WDR43: variants seen among roughly 807,000 people sequenced by gnomAD.
WDR43 encodes WD repeat domain 43.
A neutral mutation model predicts 91.4 loss-of-function variants in WDR43; 13 were observed. That is an observed-to-expected ratio of 0.14 (90% confidence interval 0.09 to 0.23). WDR43 has a LOEUF of 0.23. Among genes scored for constraint, WDR43 ranks in the 10% least tolerant of loss-of-function variants. The pLI is 1.00. For missense variants in WDR43, 780 were observed against 809.4 expected (o/e 0.96, Z 0.44); for synonymous variants, 331 against 287.9 (o/e 1.15, Z -1.51).
At chr2:28,934,772 T>C (rs1330038213) in intron 11 of WDR43, among the ~76,000 whole-genome samples, 1 of 152,210 alleles carries the variant, frequency 6.6e-6, no homozygotes, top group Non-Finnish European at 1.5e-5. Flanking sequence ...TGCCTTTTGG[T>C]GCCACTGCTG....
intron 1 of WDR43, 82 bp downstream of exon 1, chr2:28,895,005 C>A: frequency 7.5e-7 from 1 of 1,339,000 alleles, no homozygotes; most frequent in Non-Finnish European, 9.7e-7. Flanking sequence ...CGTGGTCCGG[C>A]ATCGCGCGTG....
In WDR43 at chr2:28,947,051, A is replaced by G. The variant is rs139468325; in HGVS notation, c.*272A>G. On this transcript the variant is annotated 3_prime_UTR_variant, in exon 18 of 18. Coordinates refer to ENST00000407426, the MANE Select transcript of WDR43 (RefSeq NM_015131.3). The stretch of plus-strand genomic sequence containing the variant: ...CCAATATATGGTATATTTTTATAAT[A>G]TAATATCCTAGTATGATTGGTTATA... The G allele has an allele frequency of 0.018, 4,488 of 255,150 alleles. 45 individuals are homozygous for G. The highest frequency in any genetic ancestry group is 0.025 in the Non-Finnish European group (3,325 of 134,598). The allele number at this position is 255,150 out of a possible 1,614,324, so 15.8% of individuals were successfully genotyped here.
At chr2:28,935,707 G>A (rs1212178834) in intron 12 of WDR43, 100 bp downstream of exon 12, 5 of 589,228 alleles carry the variant, frequency 8.5e-6, no homozygotes, top group Non-Finnish European at 1.3e-5. Flanking sequence ...AGGACACATG[G>A]CATTTAGAGT....
intron 16 of WDR43, among the ~76,000 whole-genome samples, chr2:28,944,768 T>C (rs1671510853): frequency 6.6e-6 from 1 of 152,212 alleles, no homozygotes; most frequent in Admixed American, 6.5e-5. Context: ...TACTGCAACA[T>C]TCGATTTGAT....
intron 8 of WDR43, among the ~76,000 whole-genome samples, chr2:28,926,079 G>A (rs920131826): frequency 4.6e-5 from 7 of 152,210 alleles, no homozygotes; most frequent in Admixed American, 4.6e-4. Context: ...GACAATAGGA[G>A]AGTTAAGAGT....
intron 3 of WDR43, among the ~76,000 whole-genome samples, chr2:28,907,261 A>G (rs1183984738): frequency 1.3e-5 from 2 of 152,082 alleles, no homozygotes; most frequent in South Asian, 4.1e-4. Context: ...GCTGCCAGAG[A>G]AGGGATTCTA....
At chr2:28,913,947 A>T in intron 4 of WDR43, 122 bp from the exon 5 acceptor site, 1 of 1,094,986 alleles carries the variant, frequency 9.1e-7, no homozygotes, top group Non-Finnish European at 1.3e-6. Context: ...TTGAACAGTT[A>T]CTTCATCGTG....
intron 15 of WDR43, 37 bp downstream of exon 15, chr2:28,941,611 G>A: frequency 6.8e-7 from 1 of 1,477,768 alleles, no homozygotes; most frequent in Non-Finnish European, 9.3e-7. Context: ...AAAACTTTTG[G>A]ACATGGTAGG....
Position 28,906,532 on chromosome 2 carries a change from G to T in WDR43, c.436G>T (p.Asp146Tyr). ...CAGTGGCTGTTTATATAGTTGTTCA[G>T]ATGATAAACATATTGTGGAATGGAA... ...QDSGCLYSCS[D>Y]DKHIVEWNVQ... The change falls in exon 3 of 18, where the codon GAT becomes TAT. Residue 146 changes from aspartate to tyrosine, a missense_variant. Around this residue, in one of 4 missense-constraint regions of WDR43, gnomAD observed 174 missense variants for 207.3 expected, o/e 0.84. Transcript: ENST00000407426. 1 of 1,608,448 alleles carries T rather than the reference G, an allele frequency of 6.2e-7. No homozygotes were observed. Among genetic ancestry groups the T allele is most frequent in the Non-Finnish European group, 8.5e-7 (1 of 1,177,466 alleles).
chr2:28,944,747 A>G (rs1036232389), intron 16 of WDR43, among the ~76,000 whole-genome samples: 1 of 152,250 alleles, frequency 6.6e-6, no homozygotes, highest in Non-Finnish European at 1.5e-5. Flanking sequence ...GCTTGAACAT[A>G]AGCTCCGCGA....
At chr2:28,913,852 A>G in intron 4 of WDR43, 1 of 685,848 alleles carries the variant, frequency 1.5e-6, no homozygotes, top group Non-Finnish European at 2.6e-6. Flanking sequence ...TAGAAGGAAC[A>G]TCTAAATTTT....
intron 1 of WDR43, among the ~76,000 whole-genome samples, chr2:28,899,222 G>A (rs1392784052): frequency 6.6e-6 from 1 of 152,160 alleles, no homozygotes. Context: ...ATATTTATCT[G>A]TATAATCTGT....
intron 6 of WDR43, 33 bp downstream of exon 6, chr2:28,918,028 G>A: frequency 6.6e-7 from 1 of 1,514,938 alleles, no homozygotes; most frequent in South Asian, 1.2e-5. Context: ...ATTTGTTTTT[G>A]GGTTTCACAG....
At chr2:28,939,341 T>C (rs925227956) in intron 14 of WDR43, among the ~76,000 whole-genome samples, 2 of 152,178 alleles carry the variant, frequency 1.3e-5, no homozygotes, top group African/African-American at 4.8e-5. Context: ...AGTTACTTGC[T>C]TAGAAGTGAG....
chr2:28,935,377 C>CT, intron 11 of WDR43, 144 bp from the exon 12 acceptor site: 1 of 547,564 alleles, frequency 1.8e-6, no homozygotes. Context: ...TCCCTCCAAC[C>CT]TTTATTTTTG....
Position 28,923,023 on chromosome 2 carries a change from C to A in WDR43, c.914+40C>A, listed in dbSNP as rs756699142. 1.9e-6 allele frequency: 3 copies of A among 1,558,664 alleles called. No homozygotes were observed. The South Asian group carries it at 3.4e-5, about 18-fold the overall frequency. ...TTCCAAGTAAGAAATTTGTTTCTTT[C>A]CCTGACTTGTTACTTGGTCATACTC... On this transcript the variant is annotated intron_variant, in intron 7 of 17. Coordinates refer to ENST00000407426, the MANE Select transcript of WDR43 (RefSeq NM_015131.3).
At position 28,946,804 on chromosome 2, in the gene WDR43, CTA is replaced by C; in HGVS notation, c.*30_*31del. 1 of 1,550,172 alleles carries C rather than the reference CTA, an allele frequency of 6.5e-7. No homozygotes were observed. Among genetic ancestry groups the C allele is most frequent in the Non-Finnish European group, 8.7e-7 (1 of 1,152,048 alleles). ...AAGACAGCAAAGCAAGCCGGTCAAA[CTA>C]TATAAACTCTGGCTCACCTTGCCCA... is the stretch of plus-strand genomic sequence containing the variant. On this transcript the variant is annotated 3_prime_UTR_variant, in exon 18 of 18. Transcript: ENST00000407426.
chr2:28,910,191 G>A (rs1049700475), intron 3 of WDR43, among the ~76,000 whole-genome samples: 1 of 152,204 alleles, frequency 6.6e-6, no homozygotes, highest in Admixed American at 6.5e-5. Flanking sequence ...GGATTAGGGT[G>A]TGGGGAGGAT....
Position 28,926,465 on chromosome 2 carries a change from C to A in WDR43, c.1087-3C>A. 6.6e-7 allele frequency: 1 copy of A among 1,524,422 alleles called. No individual in the cohort carries two copies. The highest frequency in any genetic ancestry group is 8.8e-7 in the Non-Finnish European group (1 of 1,132,652). 94.4% of individuals were successfully genotyped at this position (1,524,422 alleles called of 1,614,324 possible). On this transcript the variant is annotated splice_region_variant and splice_polypyrimidine_tract_variant and intron_variant, in intron 8 of 17. Transcript: ENST00000407426. ...TTCCCCTTTAAAAAAAATATATTTTCAGGCTTTAAACTCCAGAGAACCTCA... is the reference window on the plus strand; with the variant it reads ...TTCCCCTTTAAAAAAAATATATTTTAAGGCTTTAAACTCCAGAGAACCTCA...
Sources: gnomAD v4.1 joint callset for allele counts (sites outside exome capture counted in the v4.1 genomes callset) on GRCh38, gnomAD v4.1.1 for gene constraint, gnomAD v4.1.1 regional missense constraint, MANE v1.5 for transcripts, NCBI Gene and HGNC (gene_info 2026-07-23, HGNC 2026-07-21) for gene names.